Variants in FAT3 observed in about 807,000 individuals in gnomAD.
The protein encoded by FAT3 is protocadherin Fat 3.
FAT3 carries 95 observed loss-of-function variants against 310.2 expected under a neutral mutation model. The ratio of observed to expected loss-of-function variants is 0.31; its 90% CI spans 0.26 to 0.36. The LOEUF (loss-of-function observed/expected upper bound fraction) is 0.36, where lower values mean the gene tolerates loss of function less well. FAT3 is among the 10% of genes least tolerant of loss of function. The pLI, the probability that FAT3 is intolerant of heterozygous loss-of-function variation, is 1.00. For missense variants in FAT3, 5,408 were observed against 5,715.6 expected, an observed-to-expected ratio of 0.95 and a Z score of 1.74; for synonymous variants, 2,314 against 2,192.9, an observed-to-expected ratio of 1.06 and a Z score of -1.54.
chr11:92,670,505 A>G lies in FAT3; in HGVS notation c.3608-26879A>G, dbSNP rs545408798. 2.6e-5 allele frequency among the ~76,000 whole-genome samples: 4 copies of G among 152,270 alleles called. No individual in the cohort carries two copies. The South Asian group carries it at 6.2e-4, about 24-fold the overall frequency. On this transcript the variant is annotated intron_variant, in intron 3 of 27. Coordinates refer to ENST00000525166, the MANE Select transcript of FAT3 (RefSeq NM_001367949.2). ...GGATACTCAAATTACCTCTGGGAGG[A>G]AGCACTTTGTTAATGTGTCGAACTG...
chr11:92,321,404 T>A (rs951469528), intron 1 of FAT3, among the ~76,000 whole-genome samples: 1 of 151,078 alleles, frequency 6.6e-6, no homozygotes, highest in South Asian at 2.1e-4. Flanking sequence ...GCCACTGCAC[T>A]CCAGCCTGAG....
At chr11:92,668,988 AG>A (rs1186551459) in intron 3 of FAT3, among the ~76,000 whole-genome samples, 2 of 152,232 alleles carry the variant, frequency 1.3e-5, no homozygotes, top group African/African-American at 4.8e-5. Context: ...ATAGCACCAA[AG>A]GATACCTGTG....
At chr11:92,814,496 T>A (rs1231057234) in intron 13 of FAT3, among the ~76,000 whole-genome samples, 1 of 152,226 alleles carries the variant, frequency 6.6e-6, no homozygotes, top group Non-Finnish European at 1.5e-5. Context: ...GTGGCAACTC[T>A]CTAGATTTTA....
intron 1 of FAT3, among the ~76,000 whole-genome samples, chr11:92,315,536 G>T (rs867792715): frequency 5.2e-5 from 7 of 133,442 alleles, no homozygotes; most frequent in African/African-American, 2.4e-4. Context: ...GAGAGAGAGA[G>T]AGAGAGAGAG....
At chr11:92,586,954 T>G (rs1206636541) in intron 3 of FAT3, among the ~76,000 whole-genome samples, 5 of 151,998 alleles carry the variant, frequency 3.3e-5, no homozygotes, top group African/African-American at 1.2e-4. Flanking sequence ...TGCCTTGTAG[T>G]AATTTCAAAT....
intron 4 of FAT3, among the ~76,000 whole-genome samples, chr11:92,698,055 G>A (rs1943991146): frequency 6.6e-6 from 1 of 152,166 alleles, no homozygotes; most frequent in Non-Finnish European, 1.5e-5. Flanking sequence ...TAAGCATCGA[G>A]TGTCTTTATT....
intron 3 of FAT3, among the ~76,000 whole-genome samples, chr11:92,675,050 G>C (rs1050349454): frequency 2.6e-5 from 4 of 152,084 alleles, no homozygotes; most frequent in Admixed American, 1.3e-4. Flanking sequence ...GAGAATGCTT[G>C]TTACCCTCAT....
rs1947227823 is a variant in FAT3 at position 92,798,200 on chromosome 11, G to C, written c.5187G>C (p.Leu1729=). ...YSGVITTQKA[L]DYERTSSYQL... ...GAGTCATCACCACTCAGAAGGCCCT[G>C]GATTATGAGCGCACATCCTCTTATC... The change falls in exon 10 of 28, where the codon CTG becomes CTC. Residue 1729 remains leucine (L), a synonymous_variant. Coordinates refer to ENST00000525166, the MANE Select transcript of FAT3 (RefSeq NM_001367949.2). 6.2e-7 allele frequency: 1 copy of C among 1,613,810 alleles called. No homozygotes were observed. Among genetic ancestry groups the C allele is most frequent in the African/African-American group, 1.3e-5 (1 of 74,914 alleles).
At chr11:92,470,032 T>A (rs1951867274) in intron 2 of FAT3, among the ~76,000 whole-genome samples, 1 of 152,190 alleles carries the variant, frequency 6.6e-6, no homozygotes, top group Non-Finnish European at 1.5e-5. Context: ...TATTTTCATG[T>A]CACATATAGT....
At chr11:92,689,848 T>A (rs1313834343) in intron 3 of FAT3, among the ~76,000 whole-genome samples, 1 of 152,190 alleles carries the variant, frequency 6.6e-6, no homozygotes, top group Admixed American at 6.5e-5. Flanking sequence ...TACAAGATCA[T>A]CTTCACTACT....
chr11:92,768,271 A>T (rs1946370007), intron 6 of FAT3, among the ~76,000 whole-genome samples: 1 of 152,172 alleles, frequency 6.6e-6, no homozygotes, highest in Non-Finnish European at 1.5e-5. Flanking sequence ...CATCTAGCCA[A>T]GCTTCTTTTC....
chr11:92,698,532 A>T (rs1157763627), intron 4 of FAT3, among the ~76,000 whole-genome samples: 1 of 152,170 alleles, frequency 6.6e-6, no homozygotes, highest in Non-Finnish European at 1.5e-5. Context: ...TTAGGATCAA[A>T]CCTTCTGTTT....
At chr11:92,837,967 T>C (rs1948448158) in intron 17 of FAT3, among the ~76,000 whole-genome samples, 161 bp downstream of exon 17, 1 of 152,164 alleles carries the variant, frequency 6.6e-6, no homozygotes, top group Non-Finnish European at 1.5e-5. Flanking sequence ...CCACAGATGA[T>C]TAATAAATGT....
At chr11:92,749,135 T>A (rs530234553) in intron 4 of FAT3, 1 of 152,332 alleles carries the variant, frequency 6.6e-6, no homozygotes, top group South Asian at 2.1e-4. Context: ...GTATTTAAGG[T>A]TTGTGAAACA....
At chr11:92,652,567 C>T (rs1942419125) in intron 3 of FAT3, among the ~76,000 whole-genome samples, 1 of 152,152 alleles carries the variant, frequency 6.6e-6, no homozygotes, top group East Asian at 1.9e-4. Flanking sequence ...GGATGAAGAA[C>T]ATGAGGCTTC....
chr11:92,514,760 T>A (rs1209285597), intron 2 of FAT3, among the ~76,000 whole-genome samples: 1 of 152,146 alleles, frequency 6.6e-6, no homozygotes, highest in Non-Finnish European at 1.5e-5. Flanking sequence ...AGCAAAGAAA[T>A]CGTTATCTTT....
At chr11:92,485,630 A>C (rs1302485890) in intron 2 of FAT3, among the ~76,000 whole-genome samples, 1 of 152,204 alleles carries the variant, frequency 6.6e-6, no homozygotes. Flanking sequence ...GTGAATGAAA[A>C]TATTTGTCTG....
intron 3 of FAT3, among the ~76,000 whole-genome samples, chr11:92,615,691 G>A (rs976122908): frequency 4.6e-5 from 7 of 152,090 alleles, no homozygotes; most frequent in Non-Finnish European, 1.0e-4. Context: ...TGTTCTCATT[G>A]GTTTCAAAGA....
At chr11:92,275,031 A>G (rs898339954) in intron 1 of FAT3, among the ~76,000 whole-genome samples, 25 of 152,116 alleles carry the variant, frequency 1.6e-4, no homozygotes, top group African/African-American at 5.6e-4. Flanking sequence ...TTTGTCAGGT[A>G]TTTAGCGCAA....
Sources: allele counts gnomAD v4.1 joint callset (sites outside exome capture counted in the v4.1 genomes callset), GRCh38; gene constraint gnomAD v4.1.1; transcripts MANE v1.5; gene names NCBI Gene and HGNC (gene_info 2026-07-23, HGNC 2026-07-21).